Variants in EXOC6 observed in about 807,000 individuals in gnomAD.
The protein encoded by EXOC6 is SEC15-like 1.
Under a neutral mutation model 112.5 loss-of-function variants are expected in EXOC6, and 60 were observed. The observed-to-expected ratio is 0.53, with a 90% CI of 0.43 to 0.66. The LOEUF (loss-of-function observed/expected upper bound fraction) is 0.66. Ranked by LOEUF, EXOC6 falls within the 30% of genes least tolerant of loss-of-function variation. The pLI is 0.00. For missense variants in EXOC6, 855 were observed against 957.1 expected (o/e 0.89, Z 1.41); for synonymous variants, 295 against 308.0 (o/e 0.96, Z 0.44).
chr10:92,919,948 C>G, intron 7 of EXOC6, 34 bp from the exon 8 acceptor site: 1 of 1,360,262 alleles, frequency 7.4e-7, no homozygotes, highest in African/African-American at 1.5e-5. Context: ...AATAGTTTGA[C>G]CTATAATTTT....
chr10:92,937,039 A>G (rs1208837731), intron 12 of EXOC6, among the ~76,000 whole-genome samples: 2 of 152,144 alleles, frequency 1.3e-5, no homozygotes, highest in East Asian at 3.8e-4. Flanking sequence ...TAAGATTAAA[A>G]CTAAATTATT....
At chr10:92,980,085 G>C (rs1479524542) in intron 18 of EXOC6, among the ~76,000 whole-genome samples, 1 of 152,026 alleles carries the variant, frequency 6.6e-6, no homozygotes, top group Non-Finnish European at 1.5e-5. Context: ...AAGCTTCCCT[G>C]CTAAATATAG....
chr10:93,031,515 T>C (rs1428210813), intron 20 of EXOC6, among the ~76,000 whole-genome samples: 150 of 145,018 alleles, frequency 1.0e-3, no homozygotes, highest in African/African-American at 3.6e-3. Flanking sequence ...TCTTTCTTTT[T>C]TTTTTTTTTT....
chr10:92,856,095 C>G (rs1352111524), intron 1 of EXOC6, among the ~76,000 whole-genome samples: 2 of 152,038 alleles, frequency 1.3e-5, no homozygotes, highest in African/African-American at 2.4e-5. Context: ...AACTCCTGAC[C>G]TCAGGTGATC....
rs35323199 is a variant in EXOC6 at position 92,911,210 on chromosome 10, A to AT, written c.663+1588dup. Among the ~76,000 whole-genome samples, 73 of 151,608 alleles carry AT rather than the reference A, an allele frequency of 4.8e-4. 1 individual carries two copies. Among genetic ancestry groups the AT allele is most frequent in the Middle Eastern group, 3.4e-3 (1 of 292 alleles). On this transcript the variant is annotated intron_variant, in intron 6 of 21. Transcript: ENST00000260762. ...ACTCTTACATGATTTCTAATGCGTG[A>AT]TTTTTTTTTCCCCCAAGTATTACAA...
At chr10:92,959,818 C>T (rs1207341275) in intron 17 of EXOC6, among the ~76,000 whole-genome samples, 3 of 152,214 alleles carry the variant, frequency 2.0e-5, no homozygotes, top group Non-Finnish European at 1.5e-5. Flanking sequence ...GATACCACTA[C>T]ACACCTATTA....
intron 19 of EXOC6, among the ~76,000 whole-genome samples, chr10:93,010,728 G>A (rs1844199995): frequency 6.6e-6 from 1 of 150,472 alleles, no homozygotes; most frequent in Non-Finnish European, 1.5e-5. Context: ...AATGGACTCG[G>A]CAACTTTTAA....
chr10:92,908,761 C>T (rs1195749671), intron 5 of EXOC6, among the ~76,000 whole-genome samples: 2 of 152,068 alleles, frequency 1.3e-5, no homozygotes, highest in Non-Finnish European at 2.9e-5. Context: ...TTATCTAGGG[C>T]AAAGGCTACA....
At chr10:92,866,742 C>G (rs1372603280) in intron 1 of EXOC6, among the ~76,000 whole-genome samples, 1 of 151,996 alleles carries the variant, frequency 6.6e-6, no homozygotes, top group Non-Finnish European at 1.5e-5. Context: ...CAAGAAATAG[C>G]TATTTTTAAA....
chr10:93,007,242 A>G lies in EXOC6; in HGVS notation c.2096-6952A>G, dbSNP rs543942522. ...TCCCCCCTCGTAACAAACCCTTTACATTTTGCATAGATCCTGAGGGGAAGG... is the reference window on the plus strand; with the variant it reads ...TCCCCCCTCGTAACAAACCCTTTACGTTTTGCATAGATCCTGAGGGGAAGG... On this transcript the variant is annotated intron_variant, in intron 19 of 21. Coordinates refer to ENST00000260762, the MANE Select transcript of EXOC6 (RefSeq NM_019053.6). Among the ~76,000 whole-genome samples the G allele has an allele frequency of 2.0e-5, 3 of 151,970 alleles. No homozygotes were observed. In the South Asian group the frequency reaches 6.2e-4, roughly 32 times the overall value.
At chr10:92,865,803 A>G (rs1332776487) in intron 1 of EXOC6, among the ~76,000 whole-genome samples, 1 of 152,136 alleles carries the variant, frequency 6.6e-6, no homozygotes, top group Non-Finnish European at 1.5e-5. Context: ...CCTAACAATC[A>G]AAACATGTTT....
At chr10:92,999,828 G>A (rs1843671008) in intron 19 of EXOC6, among the ~76,000 whole-genome samples, 1 of 151,542 alleles carries the variant, frequency 6.6e-6, no homozygotes, top group African/African-American at 2.4e-5. Context: ...TCAGCCTCCT[G>A]AGTAGCTGAG....
At chr10:92,874,619 A>T (rs994479989) in intron 1 of EXOC6, among the ~76,000 whole-genome samples, 6 of 152,108 alleles carry the variant, frequency 3.9e-5, no homozygotes, top group East Asian at 1.9e-4. Context: ...TCCAGGATTT[A>T]AAAAAAATTT....
At chr10:92,993,587 A>G (rs1383327424) in intron 18 of EXOC6, among the ~76,000 whole-genome samples, 1 of 152,198 alleles carries the variant, frequency 6.6e-6, no homozygotes, top group Non-Finnish European at 1.5e-5. Context: ...ATTATATTAG[A>G]GTAGATCATG....
intron 18 of EXOC6, among the ~76,000 whole-genome samples, chr10:92,976,030 C>T (rs1308894229): frequency 5.4e-5 from 5 of 92,492 alleles, no homozygotes; most frequent in African/African-American, 2.4e-4. Context: ...CCAGCCGCCG[C>T]GTCCGGGAGG....
upstream of EXOC6, chr10:92,848,408 G>T: frequency 1.4e-6 from 1 of 721,464 alleles, no homozygotes; most frequent in Non-Finnish European, 1.7e-6. Context: ...GGCGTTCCGC[G>T]CGCCCCCGCG....
chr10:93,016,793 G>A (rs1378741126), intron 20 of EXOC6, among the ~76,000 whole-genome samples: 1 of 151,214 alleles, frequency 6.6e-6, no homozygotes, highest in African/African-American at 2.4e-5. Context: ...TTGTCAATTG[G>A]TGTCTTTTAC....
chr10:92,853,159 C>T (rs1433014047), intron 1 of EXOC6, among the ~76,000 whole-genome samples: 1 of 152,130 alleles, frequency 6.6e-6, no homozygotes, highest in African/African-American at 2.4e-5. Context: ...ATATGAAATA[C>T]TCAGGGATAA....
At chr10:93,026,391 C>T (rs61863081) in intron 20 of EXOC6, among the ~76,000 whole-genome samples, 3,595 of 152,256 alleles carry the variant, frequency 0.024, 141 homozygotes, top group Non-Finnish European at 0.025. Flanking sequence ...CTGTTATCAC[C>T]TGGTATTGTC....
Sources: allele counts gnomAD v4.1 joint callset (sites outside exome capture counted in the v4.1 genomes callset), GRCh38; gene constraint gnomAD v4.1.1; transcripts MANE v1.5; gene names NCBI Gene and HGNC (gene_info 2026-07-23, HGNC 2026-07-21).